KAZN: variants seen among roughly 807,000 people sequenced by gnomAD.
KAZN encodes kazrin.
Under a neutral mutation model 87.4 loss-of-function variants are expected in KAZN, and 40 were observed. The observed-to-expected ratio is 0.46, with a 90% confidence interval of 0.36 to 0.60. KAZN has a LOEUF of 0.60. KAZN is among the 20% of genes least tolerant of loss of function. The probability of loss-of-function intolerance (pLI) is 0.00; values close to 1 mark genes in which losing one functional copy is unlikely to be tolerated. For missense variants in KAZN, 898 were observed against 1,073.9 expected, an observed-to-expected ratio of 0.84 and a Z score of 2.29; for synonymous variants, 466 against 458.3, an observed-to-expected ratio of 1.02 and a Z score of -0.22.
chr1:14,480,953 T>G (rs997158266), intron 2 of KAZN, among the ~76,000 whole-genome samples: 3 of 148,984 alleles, frequency 2.0e-5, no homozygotes, highest in African/African-American at 7.3e-5. Context: ...TATGTATTAT[T>G]TATTACTTAT....
At chr1:14,178,541 A>C (rs1310702894) in intron 1 of KAZN, among the ~76,000 whole-genome samples, 1 of 152,168 alleles carries the variant, frequency 6.6e-6, no homozygotes, top group Non-Finnish European at 1.5e-5. Flanking sequence ...GTTCTGATTT[A>C]AATATTCTAC....
chr1:14,553,297 G>C (rs1673656642), intron 2 of KAZN, among the ~76,000 whole-genome samples: 1 of 152,146 alleles, frequency 6.6e-6, no homozygotes, highest in Admixed American at 6.5e-5. Flanking sequence ...GGAGGTGGAG[G>C]CTGCAGTGAG....
chr1:13,942,518 G>C (rs1640970927), intron 1 of KAZN, among the ~76,000 whole-genome samples: 2 of 135,088 alleles, frequency 1.5e-5, no homozygotes, highest in South Asian at 2.4e-4. Context: ...CCGCAGTCCG[G>C]CCTGGGCGAC....
chr1:14,512,153 C>A (rs1338751032), intron 2 of KAZN, among the ~76,000 whole-genome samples: 5 of 152,104 alleles, frequency 3.3e-5, no homozygotes, highest in Non-Finnish European at 7.4e-5. Flanking sequence ...TAGACCACAG[C>A]ACTTAGGATG....
At chr1:14,073,060 G>T (rs1473846428) in intron 1 of KAZN, among the ~76,000 whole-genome samples, 1 of 152,182 alleles carries the variant, frequency 6.6e-6, no homozygotes, top group Non-Finnish European at 1.5e-5. Context: ...GTGAATGATG[G>T]CAGGGTAAGG....
chr1:14,347,984 C>T (rs992766061), intron 2 of KAZN, among the ~76,000 whole-genome samples: 23 of 150,618 alleles, frequency 1.5e-4, no homozygotes, highest in Admixed American at 1.1e-3. Context: ...CTCCCAGGCT[C>T]GAGTGATCCT....
chr1:14,924,763 G>C (rs953067752), intron 1 of KAZN, among the ~76,000 whole-genome samples: 1 of 152,086 alleles, frequency 6.6e-6, no homozygotes, highest in East Asian at 1.9e-4. Context: ...GAGTTCCTCG[G>C]CGTGGGGACC....
intron 2 of KAZN, among the ~76,000 whole-genome samples, chr1:14,396,036 C>T (rs757147396): frequency 2.6e-5 from 4 of 151,708 alleles, no homozygotes; most frequent in South Asian, 2.1e-4. Flanking sequence ...GGCATAGTGG[C>T]GCGCCCCTGT....
chr1:14,255,961 A>G (rs185509712), intron 2 of KAZN, among the ~76,000 whole-genome samples: 189 of 152,292 alleles, frequency 1.2e-3, no homozygotes, highest in African/African-American at 4.5e-3. Flanking sequence ...GAACTGAGCT[A>G]AACCCAGAAA....
At chr1:14,060,826 C>A (rs1222831631) in intron 1 of KAZN, among the ~76,000 whole-genome samples, 2 of 152,174 alleles carry the variant, frequency 1.3e-5, no homozygotes, top group African/African-American at 2.4e-5. Context: ...CAGGCAAAAT[C>A]CAGGACCATC....
At chr1:13,994,812 C>T (rs758181615) in intron 1 of KAZN, among the ~76,000 whole-genome samples, 1 of 152,036 alleles carries the variant, frequency 6.6e-6, no homozygotes, top group South Asian at 2.1e-4. Flanking sequence ...AAGATCCTTC[C>T]AAGGCTGGAG....
At chr1:14,792,271 G>C (rs1645696376) in intron 1 of KAZN, among the ~76,000 whole-genome samples, 1 of 152,190 alleles carries the variant, frequency 6.6e-6, no homozygotes, top group East Asian at 1.9e-4. Context: ...CCAGTCACCT[G>C]TGTGCAGGGA....
intron 1 of KAZN, among the ~76,000 whole-genome samples, chr1:14,632,316 T>C (rs2148660934): frequency 6.6e-6 from 1 of 152,280 alleles, no homozygotes; most frequent in East Asian, 1.9e-4. Flanking sequence ...CCTTTCATGG[T>C]TGGTTTTTAA....
chr1:14,203,801 A>AGT (rs1236140532), intron 2 of KAZN, among the ~76,000 whole-genome samples: 1 of 152,204 alleles, frequency 6.6e-6, no homozygotes, highest in Non-Finnish European at 1.5e-5. Flanking sequence ...TGGTAGGGAG[A>AGT]GTGAAAGAAT....
At chr1:14,365,514 G>A (rs990745875) in intron 2 of KAZN, among the ~76,000 whole-genome samples, 3 of 152,186 alleles carry the variant, frequency 2.0e-5, no homozygotes, top group Non-Finnish European at 2.9e-5. Flanking sequence ...GGGTTAAAAC[G>A]TCAACATTAT....
intron 2 of KAZN, among the ~76,000 whole-genome samples, chr1:14,587,035 G>A (rs1301539462): frequency 6.6e-6 from 1 of 152,126 alleles, no homozygotes; most frequent in African/African-American, 2.4e-5. Context: ...TTTTCCCAAT[G>A]GTAAAGCTAA....
intron 2 of KAZN, among the ~76,000 whole-genome samples, chr1:14,526,659 G>A (rs182235313): frequency 2.3e-4 from 35 of 152,240 alleles, no homozygotes; most frequent in African/African-American, 8.2e-4. Flanking sequence ...CAGTTTCATA[G>A]TGGTCCATAT....
intron 2 of KAZN, among the ~76,000 whole-genome samples, chr1:14,343,467 A>T (rs897990424): frequency 5.9e-5 from 9 of 152,174 alleles, no homozygotes; most frequent in African/African-American, 2.2e-4. Context: ...AGGTCAGCCA[A>T]CGCAGATGTA....
intron 1 of KAZN, among the ~76,000 whole-genome samples, chr1:14,817,271 C>T (rs1050191177): frequency 7.2e-5 from 11 of 152,198 alleles, no homozygotes; most frequent in African/African-American, 2.4e-4. Context: ...GCAAGGGCTG[C>T]ATCCATCTTG....
Sources: gnomAD v4.1 joint callset for allele counts (sites outside exome capture counted in the v4.1 genomes callset) on GRCh38, gnomAD v4.1.1 for gene constraint, MANE v1.5 for transcripts, NCBI Gene and HGNC (gene_info 2026-07-23, HGNC 2026-07-21) for gene names.